Variants in TNS1 observed in about 807,000 individuals in gnomAD.
The protein encoded by TNS1 is tensin-1.
Under a neutral mutation model 168.6 loss-of-function variants are expected in TNS1, and 62 were observed. The ratio of observed to expected loss-of-function variants is 0.37; its 90% CI spans 0.30 to 0.45. The LOEUF (loss-of-function observed/expected upper bound fraction) is 0.45. Among genes scored for constraint, TNS1 ranks in the 20% least tolerant of loss-of-function variants. The probability of loss-of-function intolerance (pLI) is 1.00; values close to 1 mark genes in which losing one functional copy is unlikely to be tolerated. For synonymous variants in TNS1, 934 were observed against 933.2 expected (o/e 1.00, Z -0.02); for missense variants, 2,240 against 2,339.4 (o/e 0.96, Z 0.88).
At chr2:217,869,926 C>T (rs1187195376) in intron 18 of TNS1, among the ~76,000 whole-genome samples, 2 of 152,096 alleles carry the variant, frequency 1.3e-5, no homozygotes, top group African/African-American at 2.4e-5. Context: ...GCAAGGGTGC[C>T]CTGGCCCTCA....
At chr2:217,885,898 C>G in intron 14 of TNS1, 79 bp from the exon 15 acceptor site, 2 of 1,556,936 alleles carry the variant, frequency 1.3e-6, no homozygotes, top group East Asian at 4.5e-5. Context: ...CCTGCTGCCC[C>G]TACGCCACAG....
At chr2:217,912,545 G>A (rs1406741477) in intron 4 of TNS1, among the ~76,000 whole-genome samples, 2 of 152,240 alleles carry the variant, frequency 1.3e-5, no homozygotes, top group Non-Finnish European at 2.9e-5. Context: ...AAGGAACTGG[G>A]AGCTGGCAGG....
At chr2:217,922,369 T>A (rs977368065) in intron 3 of TNS1, among the ~76,000 whole-genome samples, 11 of 152,068 alleles carry the variant, frequency 7.2e-5, no homozygotes, top group African/African-American at 2.4e-4. Context: ...TCACCATGGG[T>A]CCCTCAGTCC....
Position 217,891,057 on chromosome 2 carries a change from G to A in TNS1, c.783-12C>T, listed in dbSNP as rs373951180. The A allele has an allele frequency of 1.2e-6, 2 of 1,614,078 alleles. No individual in the cohort carries two copies. Among genetic ancestry groups the A allele is most frequent in the Admixed American group, 1.7e-5 (1 of 60,022 alleles). On this transcript the variant is annotated splice_polypyrimidine_tract_variant and intron_variant, in intron 11 of 32. Transcript: ENST00000682258. ...GAGCCTGGTCCGCACTGCAGGGAGAGACAGGTGGTCAAAAGAGGCAACTCC... is the reference window on the plus strand; with the variant it reads ...GAGCCTGGTCCGCACTGCAGGGAGAAACAGGTGGTCAAAAGAGGCAACTCC...
rs762213864 is a variant in TNS1, at chr2:217,821,908, C to T, written c.3404G>A (p.Arg1135Gln). ...EPRSYVESVA[R>Q]TAVAGPRAQD... ...AGCTCGGGGTCCAGCCACCGCTGTC[C>T]GTGCCACAGACTCCACATAGCTCCG... is the stretch of plus-strand genomic sequence containing the variant. Residue 1135 changes from arginine to glutamine, a missense_variant, in exon 23 of 33, where the codon CGG becomes CAG. Physicochemically the swap from Arg to Gln is conservative, Grantham distance 43 (BLOSUM62 1). Transcript: ENST00000682258. 18 of 1,588,288 alleles carry T rather than the reference C, an allele frequency of 1.1e-5. No homozygotes were observed. The highest frequency in any genetic ancestry group is 6.9e-5 in the East Asian group (3 of 43,504).
chr2:217,873,935 CT>C (rs1384711384), intron 18 of TNS1, among the ~76,000 whole-genome samples: 2 of 152,086 alleles, frequency 1.3e-5, no homozygotes, highest in Non-Finnish European at 2.9e-5. Flanking sequence ...CCTTTCTTCC[CT>C]TCCTAACCCT....
In TNS1 at chr2:217,886,660, A is replaced by G; in HGVS notation, c.867-14T>C. On this transcript the variant is annotated splice_polypyrimidine_tract_variant and intron_variant, in intron 12 of 32. Coordinates refer to ENST00000682258, the MANE Select transcript of TNS1 (RefSeq NM_001387777.1). ...TAATGCACGTACCTGTAGTGGTGGG[A>G]GAAGCAGCTTCAGGGAGTGAGGTGG... 1 of 1,560,530 alleles carries G rather than the reference A, an allele frequency of 6.4e-7. No individual in the cohort carries two copies. Among genetic ancestry groups the G allele is most frequent in the Non-Finnish European group, 8.7e-7 (1 of 1,147,952 alleles).
intron 3 of TNS1, among the ~76,000 whole-genome samples, chr2:217,924,515 C>T (rs558976319): frequency 2.6e-5 from 4 of 152,376 alleles, no homozygotes; most frequent in East Asian, 3.9e-4. Context: ...AGCCAGCACA[C>T]AGTAGGTACA....
At chr2:218,018,104 C>A (rs1325477118) in intron 1 of TNS1, among the ~76,000 whole-genome samples, 1 of 152,186 alleles carries the variant, frequency 6.6e-6, no homozygotes, top group Non-Finnish European at 1.5e-5. Context: ...TACAATGCCT[C>A]TCAGTCCAAG....
At chr2:217,957,783 T>TGAA (rs2125993396) in intron 3 of TNS1, among the ~76,000 whole-genome samples, 1 of 144,972 alleles carries the variant, frequency 6.9e-6, no homozygotes, top group South Asian at 2.1e-4. Context: ...AGATGCATAC[T>TGAA]GAAGTATTTA....
chr2:217,967,489 G>A (rs1039655620), intron 3 of TNS1, among the ~76,000 whole-genome samples: 1 of 152,072 alleles, frequency 6.6e-6, no homozygotes, highest in African/African-American at 2.4e-5. Flanking sequence ...AAGTGAAAGA[G>A]GGGACATTAC....
At chr2:217,894,931 T>C in intron 9 of TNS1, 75 bp downstream of exon 9, 1 of 1,399,934 alleles carries the variant, frequency 7.1e-7, no homozygotes, top group South Asian at 1.2e-5. Context: ...CCCAAGATTA[T>C]TATGTGGGAA....
chr2:217,873,623 T>C (rs1035470694), intron 18 of TNS1, among the ~76,000 whole-genome samples: 3 of 151,806 alleles, frequency 2.0e-5, no homozygotes, highest in African/African-American at 4.8e-5. Flanking sequence ...GGGTGAGAGA[T>C]TTCAGCAGGA....
At chr2:217,979,837 C>A (rs537270257) in intron 2 of TNS1, among the ~76,000 whole-genome samples, 1 of 152,146 alleles carries the variant, frequency 6.6e-6, no homozygotes, top group East Asian at 1.9e-4. Context: ...TGCCCTGACT[C>A]CAAATCCTCA....
At chr2:217,951,904 C>T (rs1957252294) in intron 3 of TNS1, among the ~76,000 whole-genome samples, 1 of 152,216 alleles carries the variant, frequency 6.6e-6, no homozygotes, top group Non-Finnish European at 1.5e-5. Flanking sequence ...GGTTCTGATC[C>T]TTTTCCAGTT....
chr2:217,994,926 G>C lies in TNS1; in HGVS notation c.34-3870C>G, dbSNP rs192766424. Among the ~76,000 whole-genome samples the C allele has an allele frequency of 3.9e-4, 59 of 152,344 alleles. No individual in the cohort carries two copies. In the East Asian group the frequency reaches 0.011, roughly 27 times the overall value. Reference sequence around the variant, plus strand: ...GGAGAACTGCCTTCTAGGCTATGTGGCATTGAAAATATCAGTGACCTTTCC... The same window carrying C: ...GGAGAACTGCCTTCTAGGCTATGTGCCATTGAAAATATCAGTGACCTTTCC... On this transcript the variant is annotated intron_variant, in intron 1 of 32. Transcript: ENST00000682258.
At chr2:217,935,583 G>A (rs1030119513) in intron 3 of TNS1, among the ~76,000 whole-genome samples, 17 of 152,282 alleles carry the variant, frequency 1.1e-4, no homozygotes, top group Non-Finnish European at 1.8e-4. Context: ...GAAGCAGTTC[G>A]TGAGCCACCG....
At chr2:217,943,517 A>C (rs1468584100) in intron 3 of TNS1, among the ~76,000 whole-genome samples, 1 of 152,198 alleles carries the variant, frequency 6.6e-6, no homozygotes, top group Non-Finnish European at 1.5e-5. Context: ...AGCTGGCCTC[A>C]GTCCCAAGCA....
chr2:217,907,325 G>A, intron 4 of TNS1, 74 bp from the exon 5 acceptor site: 1 of 698,546 alleles, frequency 1.4e-6, no homozygotes, highest in Non-Finnish European at 2.6e-6. Context: ...CCCATGGCTA[G>A]TGGCCCTGAT....
Sources: allele counts gnomAD v4.1 joint callset (sites outside exome capture counted in the v4.1 genomes callset), GRCh38; gene constraint gnomAD v4.1.1; transcripts MANE v1.5; gene names NCBI Gene and HGNC (gene_info 2026-07-23, HGNC 2026-07-21).